ADGRD1: variants seen among roughly 807,000 people sequenced by gnomAD.
The protein encoded by ADGRD1 is G-protein coupled receptor 133.
In ADGRD1, 77 loss-of-function variants were observed where a neutral mutation model predicts 113.4. That is an observed-to-expected ratio of 0.68 (90% confidence interval 0.57 to 0.82). The LOEUF (loss-of-function observed/expected upper bound fraction) is 0.82. Among genes scored for constraint, ADGRD1 ranks in the 40% least tolerant of loss-of-function variants. ADGRD1 has a pLI of 0.00. For missense variants in ADGRD1, 1,036 were observed against 1,139.1 expected (o/e 0.91, Z 1.30); for synonymous variants, 474 against 475.0 (o/e 1.00, Z 0.03).
At chr12:131,001,549 CTG>C (rs1440179427) in intron 9 of ADGRD1, among the ~76,000 whole-genome samples, 1 of 152,190 alleles carries the variant, frequency 6.6e-6, no homozygotes, top group Non-Finnish European at 1.5e-5. Flanking sequence ...ACCTGCAACA[CTG>C]TATTAGTCAG....
intron 13 of ADGRD1, among the ~76,000 whole-genome samples, chr12:131,037,283 T>TGGGTCTCACTCACTGCACC (rs1881590266): frequency 7.6e-6 from 1 of 131,940 alleles, no homozygotes; most frequent in Non-Finnish European, 1.6e-5. Context: ...GTCACTGCAC[T>TGGGTCTCACTCACTGCACC]GGGTCTCACT....
chr12:130,959,977 G>C (rs937347932), intron 2 of ADGRD1, among the ~76,000 whole-genome samples: 6 of 152,168 alleles, frequency 3.9e-5, no homozygotes, highest in Non-Finnish European at 7.4e-5. Flanking sequence ...GGTCGGCAGA[G>C]TCCGGGCCCC....
At position 130,971,371 on chromosome 12, in the gene ADGRD1, T is replaced by G; in HGVS notation, c.188-87T>G. 1.0e-6 allele frequency: 1 copy of G among 954,908 alleles called. No homozygotes were observed. Among genetic ancestry groups the G allele is most frequent in the South Asian group, 1.8e-5 (1 of 56,466 alleles). The allele number at this position is 954,908 out of a possible 1,614,324, so 59.2% of individuals were successfully genotyped here. A position where few individuals can be genotyped will look rare whatever the true frequency, so the allele number is the denominator to read the frequency against. ...ATAAATAATAATGCATACTTACACA[T>G]AAGTTATTTGTAGGTCTGACACACA... On this transcript the variant is annotated intron_variant, in intron 3 of 24. Coordinates refer to ENST00000261654, the MANE Select transcript of ADGRD1 (RefSeq NM_198827.5). The surrounding 1 kb of genome is among the most constrained non-coding windows in gnomAD (Gnocchi z 4.2).
intron 13 of ADGRD1, among the ~76,000 whole-genome samples, chr12:131,071,756 G>A (rs2137139254): frequency 6.6e-6 from 1 of 152,308 alleles, no homozygotes; most frequent in Admixed American, 6.5e-5. Flanking sequence ...GCGGGCACCA[G>A]GGTGCTCCCT....
In ADGRD1 at chr12:131,090,982, T is replaced by C. The variant is rs568138324; in HGVS notation, c.1671+6319T>C. On this transcript the variant is annotated intron_variant, in intron 15 of 24. Transcript: ENST00000261654. ...ACATGGCGTCATCTCTGGGTGCTTC[T>C]AACTTCTCCTGCTGAGTGCAGTTCA... Among the ~76,000 whole-genome samples, 6 of 152,332 alleles carry C rather than the reference T, an allele frequency of 3.9e-5. No individual in the cohort carries two copies. In the East Asian group the frequency reaches 1.2e-3, roughly 29 times the overall value.
chr12:131,073,361 C>G (rs1438168405), intron 13 of ADGRD1, among the ~76,000 whole-genome samples: 1 of 152,220 alleles, frequency 6.6e-6, no homozygotes, highest in Non-Finnish European at 1.5e-5. Context: ...ATTCAAAGCC[C>G]TGAACCCTGT....
intron 17 of ADGRD1, 45 bp from the exon 18 acceptor site, chr12:131,108,679 C>T (rs1950285403): frequency 3.7e-6 from 6 of 1,613,194 alleles, no homozygotes; most frequent in South Asian, 1.1e-5. Context: ...ACGCCCAGGG[C>T]CCACCCCAGA....
At chr12:131,133,088 TC>T (rs1371940348) in intron 21 of ADGRD1, among the ~76,000 whole-genome samples, 1 of 152,000 alleles carries the variant, frequency 6.6e-6, no homozygotes, top group Non-Finnish European at 1.5e-5. Flanking sequence ...AGAGATCACG[TC>T]CTTTCCTCTT....
intron 9 of ADGRD1, among the ~76,000 whole-genome samples, chr12:131,001,731 CAAT>C (rs935013176): frequency 6.6e-6 from 1 of 152,162 alleles, no homozygotes; most frequent in Non-Finnish European, 1.5e-5. Context: ...GCTGGCTTCT[CAAT>C]ATGTGGTTTC....
chr12:131,039,476 C>T (rs988800478), intron 13 of ADGRD1, among the ~76,000 whole-genome samples: 3 of 152,246 alleles, frequency 2.0e-5, no homozygotes, highest in Non-Finnish European at 2.9e-5. Context: ...TCACGATGGC[C>T]GTGCCTGAGA....
chr12:131,098,227 C>G (rs1949985817), intron 15 of ADGRD1, among the ~76,000 whole-genome samples: 1 of 29,634 alleles, frequency 3.4e-5, no homozygotes, highest in Non-Finnish European at 1.1e-4. Context: ...GGGCTTCCCT[C>G]ACCTTCATAA....
rs373230583 is a variant in ADGRD1 at position 131,136,199 on chromosome 12, G to A, written c.2394+36G>A. The A allele has an allele frequency of 3.2e-4, 507 of 1,608,572 alleles. 4 individuals carry two copies. The South Asian group carries it at 4.8e-3, about 15-fold the overall frequency. On this transcript the variant is annotated intron_variant, in intron 22 of 24. Coordinates refer to ENST00000261654, the MANE Select transcript of ADGRD1 (RefSeq NM_198827.5). The stretch of plus-strand genomic sequence containing the variant: ...CGGGGACTGGCGGGGAGGCAGGGCC[G>A]CCAGCCATCAGGAGCAGGCTTGCAG...
intron 12 of ADGRD1, among the ~76,000 whole-genome samples, chr12:131,009,228 C>T (rs1368624772): frequency 6.6e-6 from 1 of 152,268 alleles, no homozygotes; most frequent in Non-Finnish European, 1.5e-5. Flanking sequence ...CTGTGGCATA[C>T]TCCTGTCAGA....
chr12:131,105,375 G>A (rs1282112917), intron 16 of ADGRD1, among the ~76,000 whole-genome samples: 1 of 152,254 alleles, frequency 6.6e-6, no homozygotes, highest in Non-Finnish European at 1.5e-5. Flanking sequence ...TGGTCAGGAA[G>A]CTTACGCTGA....
chr12:131,108,186 C>T (rs1404505477), intron 17 of ADGRD1, among the ~76,000 whole-genome samples: 1 of 152,174 alleles, frequency 6.6e-6, no homozygotes, highest in Admixed American at 6.5e-5. Context: ...CGCCTGAGCC[C>T]CTTTCAGTTC....
At chr12:131,047,272 C>T (rs990416158) in intron 13 of ADGRD1, among the ~76,000 whole-genome samples, 19 of 152,210 alleles carry the variant, frequency 1.2e-4, no homozygotes, top group African/African-American at 4.1e-4. Context: ...CAGTCTCTGT[C>T]CTTGTGTGCT....
intron 22 of ADGRD1, among the ~76,000 whole-genome samples, chr12:131,136,608 C>T (rs1462907321): frequency 6.6e-6 from 1 of 152,248 alleles, no homozygotes; most frequent in Non-Finnish European, 1.5e-5. Context: ...GTCCCCATCG[C>T]CATCCATGGC....
intron 13 of ADGRD1, among the ~76,000 whole-genome samples, chr12:131,017,860 G>A (rs1393966317): frequency 7.3e-6 from 1 of 136,670 alleles, no homozygotes; most frequent in Non-Finnish European, 1.6e-5. Context: ...CCCAGCACAG[G>A]CACACACACT....
Position 130,984,921 on chromosome 12 carries a change from C to A in ADGRD1, c.491-2174C>A, listed in dbSNP as rs1330140436. ...TCTCTCTCTCTCTCACTCTCTCTCT[C>A]CTCTCTTCTCTCTTTCTCTCTTTCT... On this transcript the variant is annotated intron_variant, in intron 5 of 24. Coordinates refer to ENST00000261654, the MANE Select transcript of ADGRD1 (RefSeq NM_198827.5). The surrounding 1 kb of genome is among the most constrained non-coding windows in gnomAD (Gnocchi z 4.1). Among the ~76,000 whole-genome samples the A allele has an allele frequency of 6.7e-6, 1 of 150,136 alleles. No homozygotes were observed. The highest frequency in any genetic ancestry group is 1.5e-5 in the Non-Finnish European group (1 of 67,590).
Sources: gnomAD v4.1 joint callset for allele counts (sites outside exome capture counted in the v4.1 genomes callset) on GRCh38, gnomAD v4.1.1 for gene constraint, Gnocchi (gnomAD v3.1) non-coding constraint, MANE v1.5 for transcripts, NCBI Gene and HGNC (gene_info 2026-07-23, HGNC 2026-07-21) for gene names.